TENT2: variants seen among roughly 807,000 people sequenced by gnomAD.
TENT2 encodes terminal nucleotidyltransferase 2.
Under a neutral mutation model 72.2 loss-of-function variants are expected in TENT2, and 44 were observed. The observed-to-expected ratio is 0.61, with a 90% confidence interval of 0.48 to 0.78. The LOEUF (loss-of-function observed/expected upper bound fraction) is 0.78. Among genes scored for constraint, TENT2 ranks in the 30% least tolerant of loss-of-function variants. The probability of loss-of-function intolerance (pLI) is 0.00; values close to 1 mark genes in which losing one functional copy is unlikely to be tolerated. For missense variants in TENT2, 541 were observed against 569.6 expected, an observed-to-expected ratio of 0.95 and a Z score of 0.51; for synonymous variants, 212 against 192.5, an observed-to-expected ratio of 1.10 and a Z score of -0.84.
chr5:79,649,241 T>G, intron 10 of TENT2, 51 bp downstream of exon 10: 2 of 1,540,006 alleles, frequency 1.3e-6, no homozygotes, highest in Non-Finnish European at 1.8e-6. Context: ...GACAGCTTTA[T>G]TATGGTGTCT....
At chr5:79,647,516 A>T (rs1319324392) in intron 8 of TENT2, among the ~76,000 whole-genome samples, 2 of 152,222 alleles carry the variant, frequency 1.3e-5, no homozygotes, top group Non-Finnish European at 2.9e-5. Flanking sequence ...AAGCCAAATA[A>T]CGTATAATAT....
At chr5:79,669,526 A>C (rs1811242872) in intron 12 of TENT2, among the ~76,000 whole-genome samples, 1 of 152,166 alleles carries the variant, frequency 6.6e-6, no homozygotes, top group Admixed American at 6.5e-5. Context: ...ACATAAAACA[A>C]AGAATGTATA....
At chr5:79,637,675 C>G (rs919531339) in intron 4 of TENT2, among the ~76,000 whole-genome samples, 1 of 152,114 alleles carries the variant, frequency 6.6e-6, no homozygotes, top group Non-Finnish European at 1.5e-5. Flanking sequence ...AATGCACCTG[C>G]CTTGGCCTCC....
At chr5:79,641,033 T>A (rs1784055081) in intron 5 of TENT2, 68 bp downstream of exon 5, 25 of 1,489,326 alleles carry the variant, frequency 1.7e-5, no homozygotes, top group Non-Finnish European at 2.2e-5. Flanking sequence ...TCTTTTTTTT[T>A]TTTAATAGGC....
chr5:79,622,738 TTATC>T (rs1580200824), intron 3 of TENT2, among the ~76,000 whole-genome samples: 2 of 152,248 alleles, frequency 1.3e-5, no homozygotes, highest in East Asian at 3.9e-4. Flanking sequence ...TAAAATACTA[TTATC>T]TGAGTTGCAG....
intron 1 of TENT2, among the ~76,000 whole-genome samples, chr5:79,615,795 C>T (rs1224921189): frequency 6.6e-6 from 1 of 151,746 alleles, no homozygotes; most frequent in Admixed American, 6.6e-5. Context: ...TCACTCCAAC[C>T]TCCGTCTCCC....
At chr5:79,668,859 C>CT in intron 11 of TENT2, 33 bp from the exon 12 acceptor site, 3 of 1,591,284 alleles carry the variant, frequency 1.9e-6, no homozygotes, top group South Asian at 1.2e-5. Context: ...TTTTAAATGG[C>CT]TTTACATTTT....
intron 4 of TENT2, among the ~76,000 whole-genome samples, chr5:79,624,003 T>C (rs1252201004): frequency 6.6e-6 from 1 of 152,172 alleles, no homozygotes; most frequent in Non-Finnish European, 1.5e-5. Context: ...AAATAATAAT[T>C]CTTGGAAAAT....
At chr5:79,627,300 T>G (rs1474222476) in intron 4 of TENT2, among the ~76,000 whole-genome samples, 1 of 152,118 alleles carries the variant, frequency 6.6e-6, no homozygotes, top group Non-Finnish European at 1.5e-5. Context: ...GCATATGGAG[T>G]AGGCAAATTT....
chr5:79,670,587 T>A (rs927988753), intron 12 of TENT2, among the ~76,000 whole-genome samples: 1 of 151,954 alleles, frequency 6.6e-6, no homozygotes, highest in Non-Finnish European at 1.5e-5. Flanking sequence ...CCTCCCAAAG[T>A]GCTGGGATTA....
At chr5:79,617,073 G>T (rs1370343022) in intron 1 of TENT2, among the ~76,000 whole-genome samples, 4 of 151,408 alleles carry the variant, frequency 2.6e-5, no homozygotes, top group Non-Finnish European at 5.9e-5. Flanking sequence ...CCCAGAGGCA[G>T]CTACTTCAAT....
At chr5:79,667,918 C>G (rs1809680277) in intron 11 of TENT2, among the ~76,000 whole-genome samples, 3 of 149,776 alleles carry the variant, frequency 2.0e-5, no homozygotes, top group African/African-American at 7.3e-5. Context: ...CATTCTGCTG[C>G]CTTAACTAAT....
At chr5:79,652,578 A>C (rs1037694403) in intron 10 of TENT2, among the ~76,000 whole-genome samples, 2 of 152,080 alleles carry the variant, frequency 1.3e-5, no homozygotes, top group Non-Finnish European at 2.9e-5. Flanking sequence ...GAGACAAAAT[A>C]GTTTAAATGG....
chr5:79,623,487 A>G lies in TENT2; in HGVS notation c.463A>G (p.Lys155Glu), dbSNP rs752999486. 6.3e-7 allele frequency: 1 copy of G among 1,589,408 alleles called. No homozygotes were observed. Among genetic ancestry groups the G allele is most frequent in the South Asian group, 1.1e-5 (1 of 88,996 alleles). ...AATCACACTGCCTGAGGCCAAAGAT[A>G]AGGTAATAATAATGTAGATTTTAGT... ...REITLPEAKD[K>E]LSQQILELFE... The change falls in exon 4 of 15, where the codon AAG (lysine) becomes GAG (glutamate). Residue 155 changes from lysine (K) to glutamate (E), a missense_variant and splice_region_variant. Coordinates refer to ENST00000453514, the MANE Select transcript of TENT2 (RefSeq NM_001114394.3).
At chr5:79,656,677 A>C (rs1049627617) in intron 10 of TENT2, among the ~76,000 whole-genome samples, 1 of 151,990 alleles carries the variant, frequency 6.6e-6, no homozygotes, top group African/African-American at 2.4e-5. Flanking sequence ...TGGACAAATT[A>C]TGTATGTCCC....
intron 7 of TENT2, 134 bp from the exon 8 acceptor site, chr5:79,644,989 A>T: frequency 1.5e-6 from 1 of 660,806 alleles, no homozygotes; most frequent in Non-Finnish European, 2.5e-6. Context: ...TAATGTCCTC[A>T]CTTGTATTCT....
At position 79,620,075 on chromosome 5, in the gene TENT2, A is replaced by T. The variant is rs1313808051; in HGVS notation, c.219A>T (p.Arg73=). ...AGACCTCAGCTTCCCCATTATTTCGAGGAAGGAAGTAAGTACTTCTTAATT... is the reference window on the plus strand; with the variant it reads ...AGACCTCAGCTTCCCCATTATTTCGTGGAAGGAAGTAAGTACTTCTTAATT... ...PIQTSASPLF[R]GRKRLSDEKN... The change falls in exon 3 of 15, where the codon CGA becomes CGT. Residue 73 remains arginine (R), a synonymous_variant. Coordinates refer to ENST00000453514, the MANE Select transcript of TENT2 (RefSeq NM_001114394.3). The T allele has an allele frequency of 6.3e-7, 1 of 1,598,682 alleles. No individual in the cohort carries two copies. Among genetic ancestry groups the T allele is most frequent in the Admixed American group, 1.7e-5 (1 of 59,858 alleles).
chr5:79,675,263 T>C (rs1816337823), intron 12 of TENT2, among the ~76,000 whole-genome samples: 2 of 152,140 alleles, frequency 1.3e-5, no homozygotes, highest in Admixed American at 1.3e-4. Flanking sequence ...ACAAATAGAA[T>C]AGGAGCACAG....
intron 4 of TENT2, among the ~76,000 whole-genome samples, chr5:79,632,436 A>G (rs72766801): frequency 6.6e-6 from 1 of 152,158 alleles, no homozygotes; most frequent in Admixed American, 6.5e-5. Context: ...AGAAGAATAT[A>G]TGGTTTTCTG....
Sources: gnomAD v4.1 joint callset for allele counts (sites outside exome capture counted in the v4.1 genomes callset) on GRCh38, gnomAD v4.1.1 for gene constraint, MANE v1.5 for transcripts, NCBI Gene and HGNC (gene_info 2026-07-23, HGNC 2026-07-21) for gene names.